CSMD1: variants seen among roughly 807,000 people sequenced by gnomAD.
CSMD1 encodes the protein CUB and sushi domain-containing protein 1.
Under a neutral mutation model 417.5 loss-of-function variants are expected in CSMD1, and 213 were observed. That is an observed-to-expected ratio of 0.51 (90% CI 0.46 to 0.57). The LOEUF (loss-of-function observed/expected upper bound fraction) is 0.57, where lower values mean the gene tolerates loss of function less well. Ranked by LOEUF, CSMD1 falls within the 20% of genes least tolerant of loss-of-function variation. CSMD1 has a pLI of 0.00. For missense variants in CSMD1, 6,923 were observed against 4,529.7 expected, an observed-to-expected ratio of 1.53 and a Z score of -15.17; for synonymous variants, 2,862 against 1,736.8, an observed-to-expected ratio of 1.65 and a Z score of -16.11.
chr8:3,916,901 G>A (rs1808867347), intron 5 of CSMD1, among the ~76,000 whole-genome samples: 1 of 127,586 alleles, frequency 7.8e-6, no homozygotes, highest in Non-Finnish European at 1.8e-5. Flanking sequence ...AACAGAATGA[G>A]ACATATTAAA....
Position 3,137,058 on chromosome 8 carries a change from C to T in CSMD1, c.6241+5407G>A, listed in dbSNP as rs77804904. On this transcript the variant is annotated intron_variant, in intron 41 of 69. Transcript: ENST00000635120. The stretch of plus-strand genomic sequence containing the variant: ...AGTGATCAGATCTGGGTAATTACTA[C>T]ATCTGTATGTTCATCATCTCCAGCC... 2.3e-3 allele frequency among the ~76,000 whole-genome samples: 348 copies of T among 152,144 alleles called. 2 individuals are homozygous for T. The highest frequency in any genetic ancestry group is 4.0e-3 in the Non-Finnish European group (272 of 68,014).
chr8:3,773,588 A>C (rs983929526), intron 5 of CSMD1, among the ~76,000 whole-genome samples: 1 of 152,124 alleles, frequency 6.6e-6, no homozygotes, highest in East Asian at 1.9e-4. Flanking sequence ...CACCCGTCCT[A>C]TAATAGGTAT....
chr8:4,326,113 G>T (rs542120131), intron 3 of CSMD1, among the ~76,000 whole-genome samples: 7 of 152,118 alleles, frequency 4.6e-5, no homozygotes, highest in Non-Finnish European at 8.8e-5. Context: ...AGAGCTCAGG[G>T]CCCTACCGTC....
intron 1 of CSMD1, among the ~76,000 whole-genome samples, chr8:4,717,277 A>G (rs918166994): frequency 6.7e-6 from 1 of 148,198 alleles, no homozygotes; most frequent in South Asian, 2.1e-4. Flanking sequence ...TCAAAGAAGC[A>G]TCTCTGACCC....
intron 3 of CSMD1, among the ~76,000 whole-genome samples, chr8:4,359,863 G>C (rs932776795): frequency 6.6e-6 from 1 of 152,212 alleles, no homozygotes; most frequent in Non-Finnish European, 1.5e-5. Flanking sequence ...CAAGTCCAGA[G>C]ACAACACTAC....
chr8:3,513,207 A>C (rs1038699137), intron 10 of CSMD1, among the ~76,000 whole-genome samples: 3 of 152,088 alleles, frequency 2.0e-5, no homozygotes, highest in Non-Finnish European at 4.4e-5. Context: ...AAATAGTTAC[A>C]TACTAATCCT....
chr8:4,586,422 T>G (rs558214549), intron 2 of CSMD1, among the ~76,000 whole-genome samples: 1 of 152,302 alleles, frequency 6.6e-6, no homozygotes, highest in African/African-American at 2.4e-5. Flanking sequence ...TGTTACAGAC[T>G]TAACCTGTTA....
intron 49 of CSMD1, among the ~76,000 whole-genome samples, chr8:3,073,054 A>C (rs1813420537): frequency 6.6e-6 from 1 of 152,204 alleles, no homozygotes; most frequent in South Asian, 2.1e-4. Context: ...ACCCTCCCAA[A>C]TTCCCAGTGC....
At chr8:3,783,933 C>A (rs1292783752) in intron 5 of CSMD1, among the ~76,000 whole-genome samples, 4 of 152,198 alleles carry the variant, frequency 2.6e-5, no homozygotes, top group African/African-American at 9.6e-5. Flanking sequence ...TTGAATACCC[C>A]AGCTCTGCGA....
chr8:3,580,443 T>G (rs956252673), intron 9 of CSMD1, among the ~76,000 whole-genome samples: 2 of 152,058 alleles, frequency 1.3e-5, no homozygotes, highest in Non-Finnish European at 2.9e-5. Context: ...GCAAGAATCC[T>G]AGGAGAGAAA....
chr8:4,695,303 A>G (rs1807051469), intron 1 of CSMD1, among the ~76,000 whole-genome samples: 1 of 152,050 alleles, frequency 6.6e-6, no homozygotes, highest in Admixed American at 6.5e-5. Flanking sequence ...TATAGTCTGC[A>G]CTCCTGGCAT....
At position 4,267,163 on chromosome 8, in the gene CSMD1, T is replaced by G. The variant is rs543729396; in HGVS notation, c.415+152790A>C. On this transcript the variant is annotated intron_variant, in intron 3 of 69. Transcript: ENST00000635120. ...AAATAAGTATAATTATTTGAAACAGTGAAGATAATATTCATTAATTCCAAA... is the reference window on the plus strand; with the variant it reads ...AAATAAGTATAATTATTTGAAACAGGGAAGATAATATTCATTAATTCCAAA... 5.0e-3 allele frequency among the ~76,000 whole-genome samples: 509 copies of G among 101,614 alleles called. 68 individuals carry two copies. The highest frequency in any genetic ancestry group is 0.013 in the African/African-American group (490 of 36,726). The allele number at this position is 101,614 out of a possible 152,430, so 66.7% of individuals were successfully genotyped here.
At chr8:4,407,331 C>G (rs1805099893) in intron 3 of CSMD1, among the ~76,000 whole-genome samples, 1 of 152,152 alleles carries the variant, frequency 6.6e-6, no homozygotes, top group Non-Finnish European at 1.5e-5. Flanking sequence ...GAAATGAAAA[C>G]ATATACAATA....
chr8:3,616,034 C>G (rs572214492), intron 8 of CSMD1, among the ~76,000 whole-genome samples: 12 of 152,266 alleles, frequency 7.9e-5, no homozygotes, highest in African/African-American at 2.9e-4. Context: ...ACTTTACTGA[C>G]TGATACTAAC....
intron 1 of CSMD1, among the ~76,000 whole-genome samples, chr8:4,876,126 G>C (rs1350228156): frequency 1.3e-5 from 2 of 151,974 alleles, no homozygotes; most frequent in Non-Finnish European, 2.9e-5. Flanking sequence ...TTTGAACAAT[G>C]GTAAAATTAA....
intron 26 of CSMD1, among the ~76,000 whole-genome samples, chr8:3,248,712 T>G (rs1800059720): frequency 6.6e-6 from 1 of 152,056 alleles, no homozygotes; most frequent in South Asian, 2.1e-4. Context: ...TTTCTATTAT[T>G]TACTGCCAAA....
At chr8:3,787,642 T>C (rs1301621118) in intron 5 of CSMD1, among the ~76,000 whole-genome samples, 1 of 152,146 alleles carries the variant, frequency 6.6e-6, no homozygotes, top group Non-Finnish European at 1.5e-5. Context: ...CAAGGAGAAA[T>C]AAGGCAGCTT....
intron 5 of CSMD1, among the ~76,000 whole-genome samples, chr8:3,828,692 C>T (rs1482645050): frequency 6.6e-6 from 1 of 152,128 alleles, no homozygotes; most frequent in Non-Finnish European, 1.5e-5. Flanking sequence ...TTTCAGGTTG[C>T]TTATTGGCCT....
intron 8 of CSMD1, among the ~76,000 whole-genome samples, chr8:3,594,781 G>C (rs1801014981): frequency 1.3e-5 from 2 of 152,328 alleles, no homozygotes; most frequent in South Asian, 2.1e-4. Flanking sequence ...GAAGAGGCCG[G>C]TTGGGAAGGT....
Sources: gnomAD v4.1 joint callset for allele counts (sites outside exome capture counted in the v4.1 genomes callset) on GRCh38, gnomAD v4.1.1 for gene constraint, MANE v1.5 for transcripts, NCBI Gene and HGNC (gene_info 2026-07-23, HGNC 2026-07-21) for gene names.